CFAP43: variants seen among roughly 807,000 people sequenced by gnomAD.
The protein encoded by CFAP43 is cilia and flagella associated protein 43.
In CFAP43, 155 loss-of-function variants were observed where a neutral mutation model predicts 218.9. That is an observed-to-expected ratio of 0.71 (90% CI 0.62 to 0.81). The LOEUF (loss-of-function observed/expected upper bound fraction) is 0.81, where lower values mean the gene tolerates loss of function less well. Ranked by LOEUF, CFAP43 falls within the 30% of genes least tolerant of loss-of-function variation. The pLI is 0.00. For missense variants in CFAP43, 1,778 were observed against 1,954.3 expected (o/e 0.91, Z 1.70); for synonymous variants, 645 against 681.3 (o/e 0.95, Z 0.83).
intron 27 of CFAP43, 147 bp downstream of exon 27, chr10:104,160,890 A>T: frequency 1.3e-6 from 1 of 760,966 alleles, no homozygotes; most frequent in Non-Finnish European, 1.9e-6. Context: ...ATTTATCTCC[A>T]CTTACTTCTC....
intron 35 of CFAP43, chr10:104,132,622 A>G (rs993347975): frequency 2.0e-6 from 2 of 985,208 alleles, no homozygotes; most frequent in African/African-American, 1.7e-5. Context: ...CTCAAAAAAA[A>G]CAAAAAAAGA....
At chr10:104,159,642 A>T (rs2088768896) in intron 27 of CFAP43, among the ~76,000 whole-genome samples, 1 of 152,226 alleles carries the variant, frequency 6.6e-6, no homozygotes, top group African/African-American at 2.4e-5. Flanking sequence ...TGGATGCAGC[A>T]GTAGAGGAGT....
intron 3 of CFAP43, among the ~76,000 whole-genome samples, chr10:104,219,095 C>T (rs542057563): frequency 6.6e-6 from 1 of 151,904 alleles, no homozygotes; most frequent in South Asian, 2.1e-4. Flanking sequence ...TCAGTTTGTC[C>T]CCCAGCTCAT....
chr10:104,178,941 A>G, intron 19 of CFAP43, 88 bp downstream of exon 19: 1 of 926,754 alleles, frequency 1.1e-6, no homozygotes. Flanking sequence ...AGGGAGGTAT[A>G]GTTCCTCAGG....
chr10:104,188,477 C>T, intron 12 of CFAP43, 67 bp from the exon 13 acceptor site: 1 of 1,559,418 alleles, frequency 6.4e-7, no homozygotes, highest in Non-Finnish European at 8.7e-7. Context: ...TTTACCTTTC[C>T]AATTAAGATA....
At position 104,146,304 on chromosome 10, in the gene CFAP43, C is replaced by T. The variant is rs2087966898; in HGVS notation, c.3814G>A (p.Val1272Met). The T allele has an allele frequency of 6.2e-7, 1 of 1,613,732 alleles. No homozygotes were observed. Among genetic ancestry groups the T allele is most frequent in the South Asian group, 1.1e-5 (1 of 91,084 alleles). ...AVRKSREDLD[V>M]CKEHYDNLLA... Reference sequence around the variant, plus strand: ...AAGTTGTCATAGTGCTCCTTGCACACATCCAGGTCTTCTCTAGATTTCCGA... The same window carrying T: ...AAGTTGTCATAGTGCTCCTTGCACATATCCAGGTCTTCTCTAGATTTCCGA... The change falls in exon 30 of 38, where the codon GTG (valine) becomes ATG (methionine). Residue 1272 changes from valine to methionine, a missense_variant. By Grantham distance (21) the Val-to-Met change is conservative (BLOSUM62 1). Around this residue, in one of 3 missense-constraint regions of CFAP43, gnomAD observed 1,553 missense variants for 1,685.2 expected, o/e 0.92. Coordinates refer to ENST00000357060, the MANE Select transcript of CFAP43 (RefSeq NM_025145.7).
At chr10:104,146,159 G>T in intron 30 of CFAP43, 104 bp downstream of exon 30, 1 of 909,302 alleles carries the variant, frequency 1.1e-6, no homozygotes, top group Non-Finnish European at 1.7e-6. Flanking sequence ...TTAAGTGGGA[G>T]AAAAATCTGT....
intron 3 of CFAP43, among the ~76,000 whole-genome samples, chr10:104,216,193 A>G (rs1406576442): frequency 6.6e-6 from 1 of 152,132 alleles, no homozygotes; most frequent in Non-Finnish European, 1.5e-5. Flanking sequence ...TGTCACCACC[A>G]TTCCATTGAC....
intron 2 of CFAP43, among the ~76,000 whole-genome samples, chr10:104,229,847 G>C (rs1301920432): frequency 6.6e-6 from 1 of 151,968 alleles, no homozygotes; most frequent in African/African-American, 2.4e-5. Flanking sequence ...CTTGACTTTA[G>C]AAGCTATACA....
chr10:104,131,929 G>A (rs1023721524), intron 36 of CFAP43, among the ~76,000 whole-genome samples, 187 bp downstream of exon 36: 2 of 152,116 alleles, frequency 1.3e-5, no homozygotes, highest in Non-Finnish European at 2.9e-5. Flanking sequence ...TAAAGGAAGT[G>A]CTTAATTTTA....
chr10:104,182,719 T>A (rs529414054), intron 16 of CFAP43, among the ~76,000 whole-genome samples: 32 of 152,310 alleles, frequency 2.1e-4, no homozygotes, highest in African/African-American at 7.2e-4. Context: ...TTTTAATTTT[T>A]ATTTTTTAAA....
At chr10:104,218,806 T>G (rs778510736) in intron 3 of CFAP43, 1 of 548,078 alleles carries the variant, frequency 1.8e-6, no homozygotes, top group Non-Finnish European at 3.7e-6. Context: ...CTGCTGTTCC[T>G]AGGGTGTTGC....
At chr10:104,191,650 T>C (rs1184648490) in intron 12 of CFAP43, among the ~76,000 whole-genome samples, 1 of 152,148 alleles carries the variant, frequency 6.6e-6, no homozygotes, top group Non-Finnish European at 1.5e-5. Context: ...AGGTTTGGCA[T>C]TTTGCACCTT....
intron 5 of CFAP43, among the ~76,000 whole-genome samples, chr10:104,211,303 G>C (rs1454664310): frequency 6.6e-6 from 1 of 152,130 alleles, no homozygotes; most frequent in East Asian, 1.9e-4. Flanking sequence ...TCCCTGACAA[G>C]AATGTAAGCT....
intron 8 of CFAP43, among the ~76,000 whole-genome samples, chr10:104,201,975 G>T (rs963908415): frequency 1.3e-5 from 2 of 151,994 alleles, no homozygotes; most frequent in African/African-American, 2.4e-5. Context: ...ATTACATCAG[G>T]GGTCATCAAA....
In CFAP43 at chr10:104,232,165, G is replaced by T; in HGVS notation, c.65+17C>A. 5 of 1,604,584 alleles carry T rather than the reference G, an allele frequency of 3.1e-6. No individual in the cohort carries two copies. The highest frequency in any genetic ancestry group is 4.3e-6 in the Non-Finnish European group (5 of 1,175,934). Reference sequence around the variant, plus strand: ...TCCGCGAGACCCAGATCGGTCGCGGGGCCGTGAACACCGCACCTCACGGAC... The same window carrying T: ...TCCGCGAGACCCAGATCGGTCGCGGTGCCGTGAACACCGCACCTCACGGAC... On this transcript the variant is annotated intron_variant, in intron 1 of 37. Coordinates refer to ENST00000357060, the MANE Select transcript of CFAP43 (RefSeq NM_025145.7).
chr10:104,188,118 G>C, intron 13 of CFAP43, 152 bp downstream of exon 13: 1 of 944,542 alleles, frequency 1.1e-6, no homozygotes, highest in Non-Finnish European at 1.5e-6. Context: ...ACTTCAAACT[G>C]TTTAGCATGT....
chr10:104,145,594 C>A lies in CFAP43; in HGVS notation c.3856-30G>T, dbSNP rs542245327. On this transcript the variant is annotated intron_variant, in intron 30 of 37. Coordinates refer to ENST00000357060, the MANE Select transcript of CFAP43 (RefSeq NM_025145.7). The stretch of plus-strand genomic sequence containing the variant: ...GGACAAACATGACATTTGAGGACTG[C>A]AACTTGGTTTGGAAACCTTTTATTT... 5 of 1,491,896 alleles carry A rather than the reference C, an allele frequency of 3.4e-6. No homozygotes were observed. In the South Asian group the frequency reaches 6.1e-5, roughly 18 times the overall value. 92.4% of individuals were successfully genotyped at this position (1,491,896 alleles called of 1,614,324 possible).
chr10:104,137,448 G>A (rs1187782150), intron 34 of CFAP43, among the ~76,000 whole-genome samples: 1 of 152,146 alleles, frequency 6.6e-6, no homozygotes, highest in Non-Finnish European at 1.5e-5. Flanking sequence ...GTGTCCAGGG[G>A]CTAAGGGAAG....
Sources: allele counts gnomAD v4.1 joint callset (sites outside exome capture counted in the v4.1 genomes callset), GRCh38; gene constraint gnomAD v4.1.1; regional missense constraint gnomAD v4.1.1; transcripts MANE v1.5; gene names NCBI Gene and HGNC (gene_info 2026-07-23, HGNC 2026-07-21).